Variants in DGKG observed in about 807,000 individuals in gnomAD.
DGKG encodes diacylglycerol kinase gamma.
Under a neutral mutation model 105.3 loss-of-function variants are expected in DGKG, and 78 were observed. That is an observed-to-expected ratio of 0.74 (90% CI 0.62 to 0.89). The LOEUF is 0.89. DGKG is among the 40% of genes least tolerant of loss of function. DGKG has a pLI of 0.00. For missense variants in DGKG, 958 were observed against 1,020.1 expected, an observed-to-expected ratio of 0.94 and a Z score of 0.83; for synonymous variants, 346 against 367.1, an observed-to-expected ratio of 0.94 and a Z score of 0.66.
intron 1 of DGKG, among the ~76,000 whole-genome samples, chr3:186,331,719 T>C (rs930085573): frequency 1.3e-5 from 2 of 152,150 alleles, no homozygotes; most frequent in African/African-American, 4.8e-5. Flanking sequence ...GCAGGCAGTG[T>C]TGGTCTAAGA....
intron 3 of DGKG, among the ~76,000 whole-genome samples, chr3:186,302,722 T>A (rs1724040534): frequency 6.6e-6 from 1 of 151,744 alleles, no homozygotes; most frequent in African/African-American, 2.4e-5. Context: ...TGAGTCCGTA[T>A]CTTCAAAGAG....
chr3:186,224,205 C>G (rs747566884), intron 20 of DGKG, among the ~76,000 whole-genome samples: 7 of 152,198 alleles, frequency 4.6e-5, no homozygotes, highest in Non-Finnish European at 1.0e-4. Flanking sequence ...ATGTGATAAG[C>G]TCCCAATTCC....
chr3:186,195,368 C>G (rs1718131144), intron 21 of DGKG, among the ~76,000 whole-genome samples: 1 of 152,012 alleles, frequency 6.6e-6, no homozygotes, highest in South Asian at 2.1e-4. Context: ...TAATAAGTAT[C>G]CAGTAGTTGT....
chr3:186,322,971 C>T (rs1725153007), intron 1 of DGKG, among the ~76,000 whole-genome samples: 1 of 152,174 alleles, frequency 6.6e-6, no homozygotes, highest in Admixed American at 6.5e-5. Context: ...TGTGTGCTCC[C>T]TCTTGTCCAC....
At chr3:186,234,189 C>T (rs937495898) in intron 20 of DGKG, among the ~76,000 whole-genome samples, 2 of 152,198 alleles carry the variant, frequency 1.3e-5, no homozygotes, top group African/African-American at 4.8e-5. Flanking sequence ...ATACGAAAAG[C>T]CTTTTAAATA....
Position 186,231,128 on chromosome 3 carries a change from G to A in DGKG, c.1826+11376C>T, listed in dbSNP as rs1048932635. Reference sequence around the variant, plus strand: ...GGAGGTGCAGTCACTATTTCCTGTTGTGAATCCTTCACACACTTGAGGCCC... The same window carrying A: ...GGAGGTGCAGTCACTATTTCCTGTTATGAATCCTTCACACACTTGAGGCCC... On this transcript the variant is annotated intron_variant, in intron 20 of 24. Transcript: ENST00000265022. This position sits in a 1 kb window ranked among gnomAD's most constrained non-coding sequence, Gnocchi z 4.5. 1.3e-5 allele frequency among the ~76,000 whole-genome samples: 2 copies of A among 152,122 alleles called. No individual in the cohort carries two copies. Among genetic ancestry groups the A allele is most frequent in the South Asian group, 2.1e-4 (1 of 4,834 alleles).
intron 1 of DGKG, among the ~76,000 whole-genome samples, chr3:186,345,713 A>AT (rs1726295856): frequency 6.6e-6 from 1 of 152,112 alleles, no homozygotes; most frequent in Admixed American, 6.5e-5. Context: ...TTTTCTCAGG[A>AT]TTTTTTGTAT....
intron 21 of DGKG, among the ~76,000 whole-genome samples, chr3:186,208,425 G>A (rs1241492196): frequency 9.8e-4 from 61 of 62,092 alleles, no homozygotes; most frequent in Non-Finnish European, 1.8e-3. Context: ...TACCAGATTG[G>A]CAAAAAAAAA....
intron 22 of DGKG, among the ~76,000 whole-genome samples, chr3:186,174,132 C>T (rs891136885): frequency 2.0e-5 from 3 of 152,138 alleles, no homozygotes; most frequent in Non-Finnish European, 2.9e-5. Flanking sequence ...TTAACTTTTC[C>T]GAGTCTGCCT....
At chr3:186,236,525 C>T (rs995740749) in intron 20 of DGKG, among the ~76,000 whole-genome samples, 9 of 152,184 alleles carry the variant, frequency 5.9e-5, no homozygotes, top group South Asian at 2.1e-4. Flanking sequence ...AGCTAATAAG[C>T]GGCAAAGCCA....
chr3:186,213,882 G>A (rs904240709), intron 20 of DGKG, among the ~76,000 whole-genome samples: 1 of 152,240 alleles, frequency 6.6e-6, no homozygotes, highest in African/African-American at 2.4e-5. Context: ...AGGGAGGACA[G>A]AACGAGGGTC....
chr3:186,281,416 C>G (rs1378561200), intron 7 of DGKG, among the ~76,000 whole-genome samples: 1 of 152,144 alleles, frequency 6.6e-6, no homozygotes, highest in Non-Finnish European at 1.5e-5. Context: ...AGTCAGTGTT[C>G]TGAGAGCCCC....
chr3:186,152,908 C>G (rs903728439), intron 24 of DGKG, among the ~76,000 whole-genome samples: 13 of 151,572 alleles, frequency 8.6e-5, no homozygotes, highest in African/African-American at 3.2e-4. Context: ...ATGATCCGCC[C>G]GTGTCGGCCT....
At position 186,320,585 on chromosome 3, in the gene DGKG, G is replaced by A; in HGVS notation, c.-126C>T. 1 of 1,533,924 alleles carries A rather than the reference G, an allele frequency of 6.5e-7. No homozygotes were observed. The highest frequency in any genetic ancestry group is 1.4e-5 in the African/African-American group (1 of 72,810). On this transcript the variant is annotated 5_prime_UTR_variant, in exon 2 of 25. Transcript: ENST00000265022. ...ATGTAAGCCTTTCAGGAGACTTCTG[G>A]GAGCACTCAAGTGTATACAGCAGCA...
At position 186,149,298 on chromosome 3, in the gene DGKG, T is replaced by C; in HGVS notation, c.*792A>G. 3 of 985,230 alleles carry C rather than the reference T, an allele frequency of 3.0e-6. No homozygotes were observed. In the South Asian group the frequency reaches 1.4e-4, roughly 46 times the overall value. 61.0% of individuals were successfully genotyped at this position (985,230 alleles called of 1,614,324 possible). ...CACCAATTTGAAAAATAAATCCCAGTTTCTCCGCTCTCCCTCCCAGGTGTT... is the reference window on the plus strand; with the variant it reads ...CACCAATTTGAAAAATAAATCCCAGCTTCTCCGCTCTCCCTCCCAGGTGTT... On this transcript the variant is annotated 3_prime_UTR_variant, in exon 25 of 25. Transcript: ENST00000265022.
chr3:186,284,619 C>G lies in DGKG; in HGVS notation c.594+41G>C. The G allele has an allele frequency of 6.4e-7, 1 of 1,564,150 alleles. No homozygotes were observed. On this transcript the variant is annotated intron_variant, in intron 7 of 24. Transcript: ENST00000265022. This position sits in a 1 kb window ranked among gnomAD's most constrained non-coding sequence, Gnocchi z 4.0. ...TCTGCTTGCTCCCTGCTCCCCCAGC[C>G]TTTCTCAGGTCCATGAGGGATATTT...
intron 1 of DGKG, among the ~76,000 whole-genome samples, chr3:186,355,492 A>G (rs1408787083): frequency 6.7e-6 from 1 of 150,352 alleles, no homozygotes; most frequent in Non-Finnish European, 1.5e-5. Context: ...TACCATCACC[A>G]CTATCACCAC....
intron 21 of DGKG, among the ~76,000 whole-genome samples, chr3:186,195,162 C>G (rs1408819826): frequency 1.3e-5 from 2 of 151,914 alleles, no homozygotes; most frequent in Non-Finnish European, 2.9e-5. Flanking sequence ...ATAATAAACC[C>G]CCGTGTACCC....
chr3:186,228,980 T>C (rs1167474350), intron 20 of DGKG, among the ~76,000 whole-genome samples: 1 of 152,120 alleles, frequency 6.6e-6, no homozygotes. Context: ...GTCATCAAGT[T>C]AAAATGAGGT....
Sources: gnomAD v4.1 joint callset for allele counts (sites outside exome capture counted in the v4.1 genomes callset) on GRCh38, gnomAD v4.1.1 for gene constraint, Gnocchi (gnomAD v3.1) non-coding constraint, MANE v1.5 for transcripts, NCBI Gene and HGNC (gene_info 2026-07-23, HGNC 2026-07-21) for gene names.